NTRK1: variants seen among roughly 807,000 people sequenced by gnomAD.
NTRK1 encodes high affinity nerve growth factor receptor.
A neutral mutation model predicts 86.8 loss-of-function variants in NTRK1; 62 were observed. The ratio of observed to expected loss-of-function variants is 0.71; its 90% CI spans 0.58 to 0.88. The LOEUF (loss-of-function observed/expected upper bound fraction) is 0.88, where lower values mean the gene tolerates loss of function less well. Among genes scored for constraint, NTRK1 ranks in the 40% least tolerant of loss-of-function variants. The pLI is 0.00. For synonymous variants in NTRK1, 469 were observed against 456.6 expected, an observed-to-expected ratio of 1.03 and a Z score of -0.35; for missense variants, 967 against 1,078.4, an observed-to-expected ratio of 0.90 and a Z score of 1.45.
Position 156,873,523 on chromosome 1 carries a change from T to A in NTRK1, c.851-110T>A. 2.9e-5 allele frequency: 25 copies of A among 848,972 alleles called. No homozygotes were observed. The South Asian group carries it at 3.6e-4, about 12-fold the overall frequency. 52.6% of individuals were successfully genotyped at this position (848,972 alleles called of 1,614,324 possible). A position where few individuals can be genotyped will look rare whatever the true frequency, so the allele number is the denominator to read the frequency against. Reference sequence around the variant, plus strand: ...CCTGCTGACCTGTTTCTCCCAGGCCTGCCCTTTGATTTCGGGTTCTACTCG... The same window carrying A: ...CCTGCTGACCTGTTTCTCCCAGGCCAGCCCTTTGATTTCGGGTTCTACTCG... On this transcript the variant is annotated intron_variant, in intron 7 of 16. Transcript: ENST00000524377.
intron 6 of NTRK1, 140 bp from the exon 7 acceptor site, chr1:156,871,483 C>T: frequency 1.2e-6 from 1 of 821,368 alleles, no homozygotes; most frequent in Non-Finnish European, 2.0e-6. Flanking sequence ...TACATTCTCT[C>T]CCACCCCTCT....
At chr1:156,849,224 G>A in intron 2 of NTRK1, 1 of 1,611,886 alleles carries the variant, frequency 6.2e-7, no homozygotes, top group East Asian at 2.2e-5. Context: ...CGTGTCCACC[G>A]GCACTGGGGT....
In NTRK1 at chr1:156,870,017, C is replaced by T. The variant is rs200575557; in HGVS notation, c.717+1370C>T. Among the ~76,000 whole-genome samples, 3 of 152,172 alleles carry T rather than the reference C, an allele frequency of 2.0e-5. No homozygotes were observed. The East Asian group carries it at 5.8e-4, about 29-fold the overall frequency. On this transcript the variant is annotated intron_variant, in intron 6 of 16. Coordinates refer to ENST00000524377, the MANE Select transcript of NTRK1 (RefSeq NM_002529.4). ...CATGTTGAGGGAGATGCCACTGGGG[C>T]GCTGAGCAGGGGGCTTCAGACATGG...
chr1:156,829,039 G>A (rs113624986), intron 1 of NTRK1, among the ~76,000 whole-genome samples: 5,521 of 152,336 alleles, frequency 0.036, 166 homozygotes, highest in Non-Finnish European at 0.06. Flanking sequence ...GGACATAGCA[G>A]CAAACAAGAT....
chr1:156,871,479 C>T, intron 6 of NTRK1, 144 bp from the exon 7 acceptor site: 2 of 800,420 alleles, frequency 2.5e-6, no homozygotes, highest in African/African-American at 1.7e-5. Context: ...CTGCTACATT[C>T]TCTCCCACCC....
intron 1 of NTRK1, chr1:156,816,753 G>C: frequency 1.9e-6 from 3 of 1,545,470 alleles, no homozygotes; most frequent in Non-Finnish European, 2.6e-6. Flanking sequence ...GTGTGTATGT[G>C]TTCCGGAAAG....
In NTRK1 at chr1:156,821,926, C is replaced by T. The variant is rs866387623; in HGVS notation, c.-64+6088C>T. ...TACTTGGGAAGCCAGATGCCATGGC[C>T]CATGTGTGATGTTTGATTTTAATCA... On this transcript the variant is annotated intron_variant, in intron 1 of 16. Transcript: ENST00000392302. 3.3e-5 allele frequency among the ~76,000 whole-genome samples: 5 copies of T among 152,182 alleles called. No homozygotes were observed. The South Asian group carries it at 1.0e-3, about 32-fold the overall frequency.
chr1:156,846,149 G>T, intron 2 of NTRK1: 1 of 1,548,378 alleles, frequency 6.5e-7, no homozygotes, highest in African/African-American at 1.4e-5. Context: ...GCAACTCAGG[G>T]GTGTGGGTCT....
chr1:156,851,583 G>C, intron 2 of NTRK1: 3 of 1,611,266 alleles, frequency 1.9e-6, no homozygotes, highest in Non-Finnish European at 1.7e-6. Flanking sequence ...TCATTGTAAG[G>C]GTTGTGTCTG....
intron 2 of NTRK1, among the ~76,000 whole-genome samples, chr1:156,850,092 G>A (rs901825168): frequency 2.0e-5 from 3 of 152,118 alleles, no homozygotes; most frequent in Admixed American, 1.3e-4. Context: ...TATAGAGACA[G>A]AGTTTCACCA....
At chr1:156,842,619 C>T (rs1654842104) in intron 2 of NTRK1, 3 of 751,028 alleles carry the variant, frequency 4.0e-6, no homozygotes, top group African/African-American at 1.7e-5. Context: ...CTGACCCTAA[C>T]CCCAACCATG....
At chr1:156,846,020 T>G in intron 2 of NTRK1, 1 of 1,613,928 alleles carries the variant, frequency 6.2e-7, no homozygotes, top group Non-Finnish European at 8.5e-7. Flanking sequence ...CACCAGGTAG[T>G]AGGTGAGGTT....
At chr1:156,870,077 T>C (rs949045414) in intron 6 of NTRK1, among the ~76,000 whole-genome samples, 4 of 152,210 alleles carry the variant, frequency 2.6e-5, no homozygotes, top group South Asian at 2.1e-4. Context: ...AGTTCCTCCC[T>C]GCTCCAGAGA....
intron 1 of NTRK1, chr1:156,841,354 G>A: frequency 6.3e-7 from 1 of 1,597,002 alleles, no homozygotes; most frequent in Non-Finnish European, 8.6e-7. Context: ...AGGGTTGTAG[G>A]TAGATCAACA....
intron 1 of NTRK1, chr1:156,841,471 G>A (rs1654778748): frequency 6.2e-7 from 1 of 1,613,948 alleles, no homozygotes; most frequent in Non-Finnish European, 8.5e-7. Flanking sequence ...CATTGGACAG[G>A]CCCTGGTAGG....
intron 1 of NTRK1, among the ~76,000 whole-genome samples, chr1:156,819,271 G>A (rs1654117509): frequency 6.6e-6 from 1 of 151,930 alleles, no homozygotes. Context: ...GGCTCCCAAA[G>A]TGCTGGGATC....
intron 7 of NTRK1, among the ~76,000 whole-genome samples, chr1:156,872,763 C>T (rs1392210610): frequency 6.6e-6 from 1 of 151,482 alleles, no homozygotes; most frequent in East Asian, 1.9e-4. Context: ...TCAAGCTCCG[C>T]CTCCCAGGTT....
chr1:156,857,126 T>C (rs1356705451), upstream of NTRK1, among the ~76,000 whole-genome samples: 3 of 151,200 alleles, frequency 2.0e-5, no homozygotes, highest in African/African-American at 7.3e-5. Flanking sequence ...CTGTTGTCAT[T>C]AATGGTCCTG....
intron 2 of NTRK1, chr1:156,849,501 GGC>G: frequency 7.8e-7 from 1 of 1,277,882 alleles, no homozygotes; most frequent in Admixed American, 1.7e-5. Flanking sequence ...GGGAGGTGGG[GGC>G]AGGGGGTGGG....
Sources: allele counts gnomAD v4.1 joint callset (sites outside exome capture counted in the v4.1 genomes callset), GRCh38; gene constraint gnomAD v4.1.1; transcripts MANE v1.5; gene names NCBI Gene and HGNC (gene_info 2026-07-23, HGNC 2026-07-21).